The following SREK1 variants were observed in gnomAD, a reference collection of about 807,000 sequenced individuals.
SREK1 encodes the protein splicing regulatory glutamic acid and lysine rich protein 1.
In SREK1, 13 loss-of-function variants were observed where a neutral mutation model predicts 66.5. The ratio of observed to expected loss-of-function variants is 0.20; its 90% CI spans 0.13 to 0.31. The LOEUF (loss-of-function observed/expected upper bound fraction) is 0.31. Among genes scored for constraint, SREK1 ranks in the 10% least tolerant of loss-of-function variants. The pLI is 1.00. For synonymous variants in SREK1, 265 were observed against 263.5 expected, an observed-to-expected ratio of 1.01 and a Z score of -0.05; for missense variants, 607 against 769.6, an observed-to-expected ratio of 0.79 and a Z score of 2.50.
intron 2 of SREK1, chr5:66,157,023 G>C (rs1193975260): frequency 3.7e-5 from 36 of 984,978 alleles, no homozygotes; most frequent in Non-Finnish European, 4.2e-5. Context: ...AAATTTGGTA[G>C]AATTCTATCT....
At position 66,183,089 on chromosome 5, in the gene SREK1, T is replaced by C. The variant is rs2112141366; in HGVS notation, c.*4221T>C. The stretch of plus-strand genomic sequence containing the variant: ...GCCTGATTTTTAAATTTATATCTAG[T>C]TAACATTTTAATTTTAAAATTGCCA... On this transcript the variant is annotated 3_prime_UTR_variant, in exon 12 of 12. Transcript: ENST00000334121. The C allele has an allele frequency of 6.6e-6, 1 of 152,350 alleles. No homozygotes were observed. The highest frequency in any genetic ancestry group is 2.1e-4 in the South Asian group (1 of 4,826). 9.4% of individuals were successfully genotyped at this position (152,350 alleles called of 1,614,324 possible).
intron 9 of SREK1, among the ~76,000 whole-genome samples, chr5:66,173,082 C>T (rs1745777577): frequency 6.6e-6 from 1 of 152,016 alleles, no homozygotes; most frequent in Non-Finnish European, 1.5e-5. Flanking sequence ...ATCCACCCGC[C>T]TCAGCCTCCC....
Position 66,144,463 on chromosome 5 carries a change from G to A in SREK1, c.87G>A (p.Ala29=), listed in dbSNP as rs755032772. 1.2e-4 allele frequency: 193 copies of A among 1,552,474 alleles called. No homozygotes were observed. The highest frequency in any genetic ancestry group is 5.0e-4 in the Middle Eastern group (3 of 6,018). The part of the protein sequence containing the change: ...SVIQVTNLSS[A]VTSEQMRTLF... ...TTCAGGTGACGAATCTGTCGTCGGC[G>A]GTGACCAGCGAGCAGATGCGGACGC... Residue 29 remains alanine, a synonymous_variant, in exon 1 of 12, where the codon GCG becomes GCA. Coordinates refer to ENST00000334121, the MANE Select transcript of SREK1 (RefSeq NM_001077199.3).
chr5:66,161,425 A>G (rs1334269320), intron 3 of SREK1, among the ~76,000 whole-genome samples: 1 of 152,218 alleles, frequency 6.6e-6, no homozygotes, highest in Non-Finnish European at 1.5e-5. Context: ...GCACTCAGGC[A>G]GTAAACAAGC....
chr5:66,145,387 C>T (rs1048443291), intron 1 of SREK1, among the ~76,000 whole-genome samples: 5 of 151,994 alleles, frequency 3.3e-5, no homozygotes, highest in Admixed American at 2.6e-4. Flanking sequence ...AATGGTAGAT[C>T]TTACAGTATT....
At chr5:66,178,683 A>G (rs770875837) in intron 11 of SREK1, 36 bp from the exon 12 acceptor site, 2 of 1,500,844 alleles carry the variant, frequency 1.3e-6, no homozygotes, top group Non-Finnish European at 1.8e-6. Context: ...GTTCTTGAGG[A>G]AAATATTAAA....
intron 3 of SREK1, 27 bp downstream of exon 3, chr5:66,159,361 A>G (rs1360069460): frequency 2.5e-6 from 4 of 1,570,716 alleles, no homozygotes; most frequent in East Asian, 4.6e-5. Context: ...GGCTTATGAA[A>G]GAGGTGAATG....
At chr5:66,148,808 A>T (rs910627175) in intron 1 of SREK1, among the ~76,000 whole-genome samples, 1 of 139,978 alleles carries the variant, frequency 7.1e-6, no homozygotes, top group African/African-American at 2.9e-5. Flanking sequence ...GGAATATGTC[A>T]TCCCTTTTTA....
chr5:66,173,395 T>C (rs1338925991), intron 9 of SREK1, among the ~76,000 whole-genome samples: 1 of 152,212 alleles, frequency 6.6e-6, no homozygotes, highest in Non-Finnish European at 1.5e-5. Context: ...CACTCTATGC[T>C]TTGCACATTA....
intron 1 of SREK1, among the ~76,000 whole-genome samples, chr5:66,145,870 C>T (rs139369908): frequency 6.6e-6 from 1 of 150,466 alleles, no homozygotes; most frequent in African/African-American, 2.5e-5. Context: ...AGTCCCGTCC[C>T]CTTTTAAAGA....
chr5:66,182,975 A>G lies in SREK1; in HGVS notation c.*4107A>G, dbSNP rs1746614075. 1 of 152,210 alleles carries G rather than the reference A, an allele frequency of 6.6e-6. No individual in the cohort carries two copies. The highest frequency in any genetic ancestry group is 2.4e-5 in the African/African-American group (1 of 41,470). The allele number at this position is 152,210 out of a possible 1,614,324, so 9.4% of individuals were successfully genotyped here. ...CTTTCTTCCATTCTAAGGTACTTTT[A>G]TAGTTTCTAGCAATTAGTTTGTTAC... On this transcript the variant is annotated 3_prime_UTR_variant, in exon 12 of 12. Transcript: ENST00000334121.
chr5:66,156,276 TTG>T, intron 2 of SREK1: 1 of 1,321,810 alleles, frequency 7.6e-7, no homozygotes, highest in Non-Finnish European at 9.6e-7. Flanking sequence ...GTTTTTGTTT[TTG>T]TTTTTGTTTT....
intron 1 of SREK1, 21 bp downstream of exon 1, chr5:66,144,558 G>T: frequency 1.9e-6 from 3 of 1,541,200 alleles, no homozygotes; most frequent in East Asian, 4.9e-5. Context: ...GAGCTCGGCT[G>T]GGGGAGGGGC....
At chr5:66,177,015 A>C (rs986164455) in intron 10 of SREK1, among the ~76,000 whole-genome samples, 2 of 152,080 alleles carry the variant, frequency 1.3e-5, no homozygotes, top group African/African-American at 4.8e-5. Context: ...TACCCAGGAA[A>C]GTCAAAACTT....
rs1404130570 is a variant in SREK1, at chr5:66,180,611, G to T, written c.*1743G>T. The T allele has an allele frequency of 2.6e-5, 4 of 152,216 alleles. No homozygotes were observed. The highest frequency in any genetic ancestry group is 5.9e-5 in the Non-Finnish European group (4 of 67,906). The allele number at this position is 152,216 out of a possible 1,614,324, so 9.4% of individuals were successfully genotyped here. A position where few individuals can be genotyped will look rare whatever the true frequency, so the allele number is the denominator to read the frequency against. ...TTCAGAATTACTGTTTTTTTTGTTT[G>T]TTTTTCCTTTTTGTCACTGTGTACA... On this transcript the variant is annotated 3_prime_UTR_variant, in exon 12 of 12. Transcript: ENST00000334121.
At chr5:66,158,681 A>G in intron 2 of SREK1, 1 of 825,070 alleles carries the variant, frequency 1.2e-6, no homozygotes, top group Non-Finnish European at 1.6e-6. Context: ...TCATTAAGAA[A>G]TTTCAATTCG....
intron 2 of SREK1, among the ~76,000 whole-genome samples, chr5:66,155,485 C>T (rs965345562): frequency 2.0e-5 from 3 of 152,136 alleles, no homozygotes; most frequent in African/African-American, 4.8e-5. Flanking sequence ...AGAAATAGTG[C>T]ATTATTGTAC....
chr5:66,169,929 TA>T, intron 7 of SREK1, 121 bp from the exon 8 acceptor site: 1 of 702,204 alleles, frequency 1.4e-6, no homozygotes, highest in Non-Finnish European at 2.1e-6. Flanking sequence ...ATTATGTAAC[TA>T]AAGTATTATT....
At position 66,170,618 on chromosome 5, in the gene SREK1, G is replaced by A; in HGVS notation, c.1155G>A (p.Lys385=). The A allele has an allele frequency of 6.2e-7, 1 of 1,608,252 alleles. No individual in the cohort carries two copies. The change falls in exon 9 of 12, where the codon AAG becomes AAA. Residue 385 remains lysine, a synonymous_variant. Transcript: ENST00000334121. ...GAAAAGACACTCGAGAAAAGATCAA[G>A]GAAAAGGAAAGAGTGAAAGAGAAAG... ...DKRKDTREKI[K]EKERVKEKDR... is the part of the protein sequence containing the mutation.
Sources: gnomAD v4.1 joint callset for allele counts (sites outside exome capture counted in the v4.1 genomes callset) on GRCh38, gnomAD v4.1.1 for gene constraint, MANE v1.5 for transcripts, NCBI Gene and HGNC (gene_info 2026-07-23, HGNC 2026-07-21) for gene names.